Variants in ANKS1B observed in about 807,000 individuals in gnomAD.
The protein encoded by ANKS1B is ankyrin repeat and sterile alpha motif domain containing 1B.
In ANKS1B, 36 loss-of-function variants were observed where a neutral mutation model predicts 148.3. The ratio of observed to expected loss-of-function variants is 0.24; its 90% CI spans 0.19 to 0.32. The LOEUF (loss-of-function observed/expected upper bound fraction) is 0.32, where lower values mean the gene tolerates loss of function less well. ANKS1B is among the 10% of genes least tolerant of loss of function. ANKS1B has a pLI of 1.00. For missense variants in ANKS1B, 1,157 were observed against 1,542.6 expected, an observed-to-expected ratio of 0.75 and a Z score of 4.19; for synonymous variants, 542 against 560.8, an observed-to-expected ratio of 0.97 and a Z score of 0.47.
chr12:99,366,478 G>A (rs2092775620), intron 12 of ANKS1B, among the ~76,000 whole-genome samples: 1 of 152,026 alleles, frequency 6.6e-6, no homozygotes, highest in African/African-American at 2.4e-5. Context: ...AATTAAAACA[G>A]TGTGGTATTG....
At chr12:99,677,711 C>T (rs7979503) in intron 8 of ANKS1B, among the ~76,000 whole-genome samples, 2,325 of 152,268 alleles carry the variant, frequency 0.015, 61 homozygotes, top group African/African-American at 0.053. Flanking sequence ...TAGTGGCTCA[C>T]GCCTGTAATC....
intron 14 of ANKS1B, chr12:99,154,934 G>A: frequency 1.3e-6 from 2 of 1,535,346 alleles, no homozygotes; most frequent in Non-Finnish European, 1.7e-6. Context: ...TTGTCTGCAA[G>A]CTGTAAGCCT....
At chr12:99,801,571 A>C (rs2066955842) in intron 4 of ANKS1B, among the ~76,000 whole-genome samples, 1 of 152,162 alleles carries the variant, frequency 6.6e-6, no homozygotes, top group African/African-American at 2.4e-5. Flanking sequence ...GAGGAAAGAA[A>C]TTGGATACAA....
chr12:99,556,462 G>T (rs1334877035), intron 9 of ANKS1B, among the ~76,000 whole-genome samples: 1 of 151,670 alleles, frequency 6.6e-6, no homozygotes, highest in Non-Finnish European at 1.5e-5. Context: ...CTTTGATTTT[G>T]GTTATTTCTT....
intron 17 of ANKS1B, among the ~76,000 whole-genome samples, chr12:99,013,298 T>C (rs998252311): frequency 6.6e-6 from 1 of 152,178 alleles, no homozygotes; most frequent in Non-Finnish European, 1.5e-5. Flanking sequence ...AAGCATTTCC[T>C]ATGTCTTAAG....
intron 17 of ANKS1B, among the ~76,000 whole-genome samples, chr12:99,018,053 A>C (rs2099943622): frequency 6.6e-6 from 1 of 152,170 alleles, no homozygotes; most frequent in African/African-American, 2.4e-5. Context: ...TGGCTCGATA[A>C]ACCTTGATGA....
At chr12:99,550,137 GCTCT>G (rs980666735) in intron 9 of ANKS1B, among the ~76,000 whole-genome samples, 8 of 152,242 alleles carry the variant, frequency 5.3e-5, no homozygotes, top group African/African-American at 1.7e-4. Flanking sequence ...GTTTCATGGT[GCTCT>G]CTATCTATCT....
At chr12:99,749,949 G>C (rs2060947829) in intron 8 of ANKS1B, among the ~76,000 whole-genome samples, 1 of 152,140 alleles carries the variant, frequency 6.6e-6, no homozygotes, top group East Asian at 1.9e-4. Flanking sequence ...ACGAAAAATA[G>C]TACAACCAGA....
intron 2 of ANKS1B, among the ~76,000 whole-genome samples, chr12:99,824,828 A>G (rs1490049488): frequency 6.6e-6 from 1 of 152,208 alleles, no homozygotes; most frequent in African/African-American, 2.4e-5. Context: ...AACTAGAAAG[A>G]CAATCATGAA....
At chr12:99,434,314 A>G (rs1483952606) in intron 11 of ANKS1B, among the ~76,000 whole-genome samples, 5 of 152,140 alleles carry the variant, frequency 3.3e-5, no homozygotes, top group Admixed American at 2.0e-4. Flanking sequence ...TTTATTTTGC[A>G]AGGAAATTTT....
intron 10 of ANKS1B, among the ~76,000 whole-genome samples, chr12:99,494,732 C>CAAAAA (rs59115173): frequency 0.018 from 985 of 55,882 alleles, 45 homozygotes; most frequent in East Asian, 0.03. Flanking sequence ...CACTCTGTCT[C>CAAAAA]AAAAAAAAAA....
chr12:99,504,203 C>T (rs913987846), intron 10 of ANKS1B, among the ~76,000 whole-genome samples: 16 of 152,076 alleles, frequency 1.1e-4, no homozygotes, highest in African/African-American at 3.4e-4. Flanking sequence ...TGTATCTTAC[C>T]TAGAAGGTTT....
At chr12:99,598,572 T>C (rs2097775846) in intron 9 of ANKS1B, among the ~76,000 whole-genome samples, 1 of 152,048 alleles carries the variant, frequency 6.6e-6, no homozygotes, top group Admixed American at 6.6e-5. Context: ...CTGCCACTTA[T>C]ACCACTACTA....
At position 99,643,789 on chromosome 12, in the gene ANKS1B, C is replaced by T. The variant is rs557301554; in HGVS notation, c.1272+11278G>A. 2.1e-4 allele frequency among the ~76,000 whole-genome samples: 32 copies of T among 152,270 alleles called. No individual in the cohort carries two copies. In the South Asian group the frequency reaches 2.9e-3, roughly 14 times the overall value. ...ATCCCAACTCTGAATCCCATCTCAGCGTAATTCATCTCATCATAATTCAGA... is the reference window on the plus strand; with the variant it reads ...ATCCCAACTCTGAATCCCATCTCAGTGTAATTCATCTCATCATAATTCAGA... On this transcript the variant is annotated intron_variant, in intron 9 of 26. Coordinates refer to ENST00000683438, the MANE Select transcript of ANKS1B (RefSeq NM_001352186.2).
chr12:99,808,415 G>A (rs1433952005), intron 3 of ANKS1B, among the ~76,000 whole-genome samples: 5 of 152,036 alleles, frequency 3.3e-5, no homozygotes, highest in Non-Finnish European at 7.4e-5. Context: ...TCAAGAGAGA[G>A]CATTTGAAGG....
At chr12:98,820,209 C>T (rs1183489628) in intron 19 of ANKS1B, among the ~76,000 whole-genome samples, 2 of 152,240 alleles carry the variant, frequency 1.3e-5, no homozygotes, top group African/African-American at 2.4e-5. Context: ...CACTGTGGTT[C>T]ACACGACAGC....
At chr12:99,648,385 A>G (rs11109969) in intron 9 of ANKS1B, 455,002 of 1,613,892 alleles carry the variant, frequency 0.28, 66,332 homozygotes, top group Middle Eastern at 0.31. Context: ...AATGGTAACA[A>G]TGGGCATCGT....
intron 16 of ANKS1B, among the ~76,000 whole-genome samples, chr12:99,067,674 G>A (rs1488396253): frequency 6.6e-6 from 1 of 152,204 alleles, no homozygotes; most frequent in Non-Finnish European, 1.5e-5. Context: ...ATGCAGAGAA[G>A]TGTTGCTCTA....
chr12:99,770,342 C>T (rs941752617), intron 8 of ANKS1B, among the ~76,000 whole-genome samples: 1 of 152,060 alleles, frequency 6.6e-6, no homozygotes, highest in African/African-American at 2.4e-5. Context: ...AAATCAAGAA[C>T]CATATCTATT....
Sources: allele counts gnomAD v4.1 joint callset (sites outside exome capture counted in the v4.1 genomes callset), GRCh38; gene constraint gnomAD v4.1.1; transcripts MANE v1.5; gene names NCBI Gene and HGNC (gene_info 2026-07-23, HGNC 2026-07-21).